Variants in DTL observed in about 807,000 individuals in gnomAD.
The protein encoded by DTL is denticleless E3 ubiquitin protein ligase adapter.
Under a neutral mutation model 87.0 loss-of-function variants are expected in DTL, and 46 were observed. The ratio of observed to expected loss-of-function variants is 0.53; its 90% CI spans 0.42 to 0.68. The LOEUF (loss-of-function observed/expected upper bound fraction) is 0.68, where lower values mean the gene tolerates loss of function less well. Among genes scored for constraint, DTL ranks in the 30% least tolerant of loss-of-function variants. The pLI, the probability that DTL is intolerant of heterozygous loss-of-function variation, is 0.00. For synonymous variants in DTL, 308 were observed against 311.2 expected (o/e 0.99, Z 0.11); for missense variants, 737 against 869.4 (o/e 0.85, Z 1.91).
rs184793538 is a variant in DTL at position 212,095,175 on chromosome 1, C to T, written c.1262-5077C>T. Among the ~76,000 whole-genome samples the T allele has an allele frequency of 3.9e-5, 6 of 152,202 alleles. No homozygotes were observed. In the East Asian group the frequency reaches 7.7e-4, roughly 20 times the overall value. On this transcript the variant is annotated intron_variant, in intron 13 of 14. Coordinates refer to ENST00000366991, the MANE Select transcript of DTL (RefSeq NM_016448.4). ...TGGGCATCCTTGTCTTTTTCCAGTTCTCATGGGGAATGCTTTCAACTTTTC... is the reference window on the plus strand; with the variant it reads ...TGGGCATCCTTGTCTTTTTCCAGTTTTCATGGGGAATGCTTTCAACTTTTC...
chr1:212,047,134 C>G lies in DTL; in HGVS notation c.278-17C>G, dbSNP rs1167740918. On this transcript the variant is annotated splice_polypyrimidine_tract_variant and intron_variant, in intron 3 of 14. Coordinates refer to ENST00000366991, the MANE Select transcript of DTL (RefSeq NM_016448.4). ...ATACAATTTAGACATTTCACATTTACCATTTTCTTTGTTTAGAATGGATGG... is the reference window on the plus strand; with the variant it reads ...ATACAATTTAGACATTTCACATTTAGCATTTTCTTTGTTTAGAATGGATGG... The G allele has an allele frequency of 6.2e-7, 1 of 1,612,306 alleles. No homozygotes were observed. The highest frequency in any genetic ancestry group is 1.1e-5 in the South Asian group (1 of 91,042).
intron 11 of DTL, among the ~76,000 whole-genome samples, chr1:212,075,973 C>A (rs561315294): frequency 4.6e-5 from 7 of 152,248 alleles, no homozygotes; most frequent in African/African-American, 7.2e-5. Context: ...ACAAAATCAG[C>A]ATTTTGTGTG....
chr1:212,069,418 A>T (rs1034246169), intron 10 of DTL, among the ~76,000 whole-genome samples: 6 of 152,156 alleles, frequency 3.9e-5, no homozygotes, highest in Non-Finnish European at 7.3e-5. Flanking sequence ...TTTCAAAAAC[A>T]CTTTGAATTC....
rs1342293380 is a variant in DTL at position 212,103,113 on chromosome 1, C to T, written c.*173C>T. On this transcript the variant is annotated 3_prime_UTR_variant, in exon 15 of 15. Coordinates refer to ENST00000366991, the MANE Select transcript of DTL (RefSeq NM_016448.4). Reference sequence around the variant, plus strand: ...ACGCTGAAATGTACCTAATCTGGTTCTACTACCATAATGTATATGCAGCTT... The same window carrying T: ...ACGCTGAAATGTACCTAATCTGGTTTTACTACCATAATGTATATGCAGCTT... 1 of 463,152 alleles carries T rather than the reference C, an allele frequency of 2.2e-6. No homozygotes were observed. Among genetic ancestry groups the T allele is most frequent in the Non-Finnish European group, 3.8e-6 (1 of 260,338 alleles). The allele number at this position is 463,152 out of a possible 1,614,324, so 28.7% of individuals were successfully genotyped here. A position where few individuals can be genotyped will look rare whatever the true frequency, so the allele number is the denominator to read the frequency against.
At chr1:212,059,389 C>T (rs1668271332) in intron 5 of DTL, among the ~76,000 whole-genome samples, 1 of 150,514 alleles carries the variant, frequency 6.6e-6, no homozygotes, top group Non-Finnish European at 1.5e-5. Context: ...AAACATGATA[C>T]ATACGTCATC....
At chr1:212,076,580 G>C (rs1467065787) in intron 11 of DTL, among the ~76,000 whole-genome samples, 2 of 152,076 alleles carry the variant, frequency 1.3e-5, no homozygotes, top group Non-Finnish European at 2.9e-5. Context: ...CAATAAGCAG[G>C]GTGAATCAAT....
chr1:212,079,853 A>G (rs1306026989), intron 12 of DTL, among the ~76,000 whole-genome samples: 1 of 152,188 alleles, frequency 6.6e-6, no homozygotes, highest in Non-Finnish European at 1.5e-5. Context: ...ACTTAAGAGA[A>G]CATGTATTCT....
At chr1:212,039,834 G>A (rs554802983) in intron 1 of DTL, among the ~76,000 whole-genome samples, 1 of 152,142 alleles carries the variant, frequency 6.6e-6, no homozygotes, top group Non-Finnish European at 1.5e-5. Context: ...ATAAAAAATG[G>A]TAACACCTGT....
chr1:212,099,654 A>G (rs538824877), intron 13 of DTL: 1 of 152,490 alleles, frequency 6.6e-6, no homozygotes, highest in African/African-American at 2.4e-5. Context: ...GTCCTCTTCG[A>G]CCAAGCACAC....
At chr1:212,095,470 T>G (rs1053968649) in intron 13 of DTL, among the ~76,000 whole-genome samples, 3 of 152,154 alleles carry the variant, frequency 2.0e-5, no homozygotes, top group Non-Finnish European at 1.5e-5. Flanking sequence ...TTCTCCTGCC[T>G]CAGCCTCCCA....
chr1:212,057,100 C>A (rs955235479), intron 5 of DTL, among the ~76,000 whole-genome samples: 1 of 152,056 alleles, frequency 6.6e-6, no homozygotes, highest in East Asian at 1.9e-4. Context: ...TAGGTGAAAA[C>A]TTCCCAAGTC....
intron 1 of DTL, 51 bp from the exon 2 acceptor site, chr1:212,042,942 G>T: frequency 1.3e-6 from 2 of 1,511,846 alleles, no homozygotes; most frequent in East Asian, 2.4e-5. Context: ...TGTTAAAAAT[G>T]CTGAAATGTG....
At chr1:212,093,497 G>A (rs755678972) in intron 13 of DTL, among the ~76,000 whole-genome samples, 10 of 152,208 alleles carry the variant, frequency 6.6e-5, no homozygotes, top group Admixed American at 1.3e-4. Flanking sequence ...AGCTTTCCGC[G>A]GATGGGGGAG....
At chr1:212,043,458 A>G (rs533219148) in intron 2 of DTL, among the ~76,000 whole-genome samples, 24 of 152,260 alleles carry the variant, frequency 1.6e-4, no homozygotes, top group Non-Finnish European at 3.1e-4. Context: ...TCTGTGACTC[A>G]TTGGGGAATA....
intron 5 of DTL, among the ~76,000 whole-genome samples, chr1:212,048,177 CTGTTTTT>C (rs1473773784): frequency 1.3e-5 from 2 of 151,792 alleles, no homozygotes; most frequent in Non-Finnish European, 2.9e-5. Context: ...TTTAAATGGC[CTGTTTTT>C]TGTTTTTTGT....
intron 5 of DTL, among the ~76,000 whole-genome samples, chr1:212,049,192 A>C (rs1571944104): frequency 6.6e-6 from 1 of 152,194 alleles, no homozygotes; most frequent in South Asian, 2.1e-4. Flanking sequence ...CAAAGTGCTG[A>C]GATTACAGGC....
Position 212,047,102 on chromosome 1 carries a change from C to A in DTL, c.278-49C>A, listed in dbSNP as rs1318347356. The A allele has an allele frequency of 1.9e-6, 3 of 1,540,452 alleles. No individual in the cohort carries two copies. The Admixed American group carries it at 5.0e-5, about 26-fold the overall frequency. ...ATTTAAAGTTATATTAATATGGGTA[C>A]CACAGAATACAATTTAGACATTTCA... On this transcript the variant is annotated intron_variant, in intron 3 of 14. Coordinates refer to ENST00000366991, the MANE Select transcript of DTL (RefSeq NM_016448.4).
rs147842776 is a variant in DTL at position 212,052,497 on chromosome 1, C to T, written c.460+5080C>T. On this transcript the variant is annotated intron_variant, in intron 5 of 14. Coordinates refer to ENST00000366991, the MANE Select transcript of DTL (RefSeq NM_016448.4). ...ACTAAAAATACAAAAATTAGCCAGG[C>T]GTTGTGGTGGGCACCTGTAATCCCA... Among the ~76,000 whole-genome samples the T allele has an allele frequency of 5.4e-3, 819 of 151,828 alleles. 4 individuals carry two copies. Among genetic ancestry groups the T allele is most frequent in the African/African-American group, 0.019 (776 of 41,412 alleles).
intron 7 of DTL, among the ~76,000 whole-genome samples, chr1:212,065,454 G>C (rs556204940): frequency 6.6e-6 from 1 of 152,020 alleles, no homozygotes; most frequent in South Asian, 2.1e-4. Context: ...GGGTAATTGA[G>C]ATAGCCATCA....
Sources: gnomAD v4.1 joint callset for allele counts (sites outside exome capture counted in the v4.1 genomes callset) on GRCh38, gnomAD v4.1.1 for gene constraint, MANE v1.5 for transcripts, NCBI Gene and HGNC (gene_info 2026-07-23, HGNC 2026-07-21) for gene names.